TG: variants seen among roughly 807,000 people sequenced by gnomAD.
TG encodes the protein thyroglobulin.
Under a neutral mutation model 324.7 loss-of-function variants are expected in TG, and 270 were observed. The ratio of observed to expected loss-of-function variants is 0.83; its 90% CI spans 0.75 to 0.92. The LOEUF is 0.92. Among genes scored for constraint, TG ranks in the 40% least tolerant of loss-of-function variants. TG has a pLI of 0.00. For missense variants in TG, 3,591 were observed against 3,456.4 expected (o/e 1.04, Z -0.98); for synonymous variants, 1,401 against 1,327.0 (o/e 1.06, Z -1.21).
At chr8:133,091,349 T>C (rs970411127) in intron 41 of TG, among the ~76,000 whole-genome samples, 2 of 152,152 alleles carry the variant, frequency 1.3e-5, no homozygotes, top group African/African-American at 4.8e-5. Flanking sequence ...AGGGTGGGAC[T>C]GAGAAGTGCA....
chr8:132,873,596 A>C (rs1012468639), intron 5 of TG, among the ~76,000 whole-genome samples: 1 of 152,222 alleles, frequency 6.6e-6, no homozygotes, highest in African/African-American at 2.4e-5. Flanking sequence ...GTAGCCATTA[A>C]AAAGACTGCG....
intron 43 of TG, chr8:133,102,913 A>T (rs990984670): frequency 3.2e-6 from 1 of 308,762 alleles, no homozygotes; most frequent in Non-Finnish European, 6.4e-6. Flanking sequence ...GGGTAGCAGT[A>T]GGGGGAGGGC....
In TG at chr8:132,871,460, T is replaced by C. The variant is rs765404013; in HGVS notation, c.387T>C (p.Val129=). ...AGGATTCAGGGGACTACGCGCCTGT[T>C]CAGTGTGATGTGCAGCAGGTCCAGT... is the stretch of plus-strand genomic sequence containing the variant. ...QCQDSGDYAP[V]QCDVQQVQCW... is the part of the protein sequence containing the mutation. Residue 129 remains valine (V), a synonymous_variant, in exon 4 of 48, where the codon GTT becomes GTC. Transcript: ENST00000220616. 3.2e-5 allele frequency: 51 copies of C among 1,614,154 alleles called. No homozygotes were observed. The highest frequency in any genetic ancestry group is 4.3e-5 in the Non-Finnish European group (51 of 1,180,024).
At chr8:133,088,729 T>A (rs2005162) in intron 41 of TG, among the ~76,000 whole-genome samples, 43,276 of 152,132 alleles carry the variant, frequency 0.28, 6,875 homozygotes, top group African/African-American at 0.41. Flanking sequence ...CTAGATCATG[T>A]CTATACCAAC....
chr8:132,902,263 T>C (rs1394448284), intron 16 of TG, among the ~76,000 whole-genome samples: 1 of 152,220 alleles, frequency 6.6e-6, no homozygotes, highest in African/African-American at 2.4e-5. Context: ...TAGCCACAGT[T>C]GCCTTTCTTT....
At chr8:133,081,682 T>C (rs534326373) in intron 41 of TG, among the ~76,000 whole-genome samples, 4 of 152,276 alleles carry the variant, frequency 2.6e-5, no homozygotes, top group Admixed American at 1.3e-4. Context: ...TCTTCTGTCA[T>C]TGCTCAACCT....
intron 35 of TG, among the ~76,000 whole-genome samples, chr8:133,008,970 G>T (rs956188849): frequency 1.3e-5 from 2 of 152,214 alleles, no homozygotes; most frequent in African/African-American, 2.4e-5. Flanking sequence ...CCAGATGTTG[G>T]ATTCTGCACA....
At chr8:132,908,870 G>A (rs78601803) in intron 18 of TG, among the ~76,000 whole-genome samples, 3,732 of 152,276 alleles carry the variant, frequency 0.025, 131 homozygotes, top group African/African-American at 0.086. Context: ...GGACGGGAGT[G>A]AGGTAAGGCT....
chr8:132,879,983 C>T (rs779493145), intron 5 of TG, among the ~76,000 whole-genome samples: 11 of 152,226 alleles, frequency 7.2e-5, no homozygotes, highest in Admixed American at 1.3e-4. Flanking sequence ...TTGTGCCTCA[C>T]GCTGGAATGT....
Position 132,987,251 on chromosome 8 carries a change from A to G in TG, c.6262+3839A>G, listed in dbSNP as rs1831683187. Among the ~76,000 whole-genome samples the G allele has an allele frequency of 3.3e-5, 5 of 152,178 alleles. No individual in the cohort carries two copies. The South Asian group carries it at 8.3e-4, about 25-fold the overall frequency. ...CTATGTGTTAAAATTCCCAAATTAG[A>G]ACTAAGAATTTTGGCATGTTCCTTT... On this transcript the variant is annotated intron_variant, in intron 35 of 47. Coordinates refer to ENST00000220616, the MANE Select transcript of TG (RefSeq NM_003235.5).
At chr8:133,132,605 T>G (rs1852030447) in intron 46 of TG, among the ~76,000 whole-genome samples, 1 of 152,184 alleles carries the variant, frequency 6.6e-6, no homozygotes, top group Non-Finnish European at 1.5e-5. Flanking sequence ...TGATGTGAGT[T>G]GATTACCTAG....
intron 35 of TG, among the ~76,000 whole-genome samples, chr8:133,003,652 G>A (rs1413931491): frequency 1.3e-5 from 2 of 152,150 alleles, no homozygotes; most frequent in Admixed American, 1.3e-4. Flanking sequence ...GAAAGGAATA[G>A]AAGTGCCTCC....
chr8:132,962,391 A>C (rs773867331), intron 28 of TG, among the ~76,000 whole-genome samples: 1 of 152,148 alleles, frequency 6.6e-6, no homozygotes, highest in Non-Finnish European at 1.5e-5. Flanking sequence ...CACTGGTAGG[A>C]GATCCCAAGT....
At chr8:133,053,019 G>C (rs896604589) in intron 41 of TG, among the ~76,000 whole-genome samples, 1 of 152,118 alleles carries the variant, frequency 6.6e-6, no homozygotes, top group Non-Finnish European at 1.5e-5. Flanking sequence ...GTGCTGCCTC[G>C]GCTACATGTG....
rs1217165273 is a variant in TG, at chr8:132,908,348, C to G, written c.4002+8C>G. On this transcript the variant is annotated splice_region_variant and intron_variant, in intron 18 of 47. Coordinates refer to ENST00000220616, the MANE Select transcript of TG (RefSeq NM_003235.5). ...GGCTTCTGCCAGATCCAGGTACATG[C>G]CTGGCCTTCCCCACAGTGAGGGCTT... 6 of 1,530,382 alleles carry G rather than the reference C, an allele frequency of 3.9e-6. No homozygotes were observed. The highest frequency in any genetic ancestry group is 5.3e-6 in the Non-Finnish European group (6 of 1,132,392). 94.8% of individuals were successfully genotyped at this position (1,530,382 alleles called of 1,614,324 possible). A position where few individuals can be genotyped will look rare whatever the true frequency, so the allele number is the denominator to read the frequency against.
intron 27 of TG, among the ~76,000 whole-genome samples, chr8:132,949,471 G>A (rs999913364): frequency 6.6e-6 from 1 of 152,114 alleles, no homozygotes; most frequent in African/African-American, 2.4e-5. Flanking sequence ...CCTTTAGTTG[G>A]GGGGACTGCC....
At position 132,882,824 on chromosome 8, in the gene TG, A is replaced by C. The variant is rs1392385049; in HGVS notation, c.900A>C (p.Lys300Asn). 6.2e-7 allele frequency: 1 copy of C among 1,614,186 alleles called. No homozygotes were observed. The highest frequency in any genetic ancestry group is 1.7e-5 in the Admixed American group (1 of 60,026). ...VISGRFRCPT[K>N]CEVERFTATS... is the part of the protein sequence containing the mutation. ...GTGGATTTCCTCTAGGCCCCACAAA[A>C]TGTGAAGTGGAGCGGTTTACAGCAA... Residue 300 changes from lysine (K) to asparagine (N), a missense_variant, in exon 8 of 48, where the codon AAA (lysine) becomes AAC (asparagine). Lys to Asn is a moderately conservative substitution (Grantham distance 94, BLOSUM62 0). Transcript: ENST00000220616.
At chr8:133,006,605 A>C (rs1834036742) in intron 35 of TG, among the ~76,000 whole-genome samples, 1 of 152,264 alleles carries the variant, frequency 6.6e-6, no homozygotes, top group Admixed American at 6.5e-5. Context: ...ACAAATATAC[A>C]CAGCTGACTT....
At chr8:132,881,634 G>A (rs917843863) in intron 5 of TG, among the ~76,000 whole-genome samples, 4 of 152,194 alleles carry the variant, frequency 2.6e-5, no homozygotes, top group African/African-American at 7.2e-5. Context: ...ATTGTTAGAC[G>A]ACAGCTATGC....
Sources: allele counts gnomAD v4.1 joint callset (sites outside exome capture counted in the v4.1 genomes callset), GRCh38; gene constraint gnomAD v4.1.1; transcripts MANE v1.5; gene names NCBI Gene and HGNC (gene_info 2026-07-23, HGNC 2026-07-21).